ZNF599: variants seen among roughly 807,000 people sequenced by gnomAD.
ZNF599 encodes the protein zinc finger protein 599.
In ZNF599, 10 loss-of-function variants were observed where a neutral mutation model predicts 11.7. The ratio of observed to expected loss-of-function variants is 0.86; its 90% confidence interval spans 0.53 to 1.45. ZNF599 has a LOEUF of 1.45. Ranked by LOEUF, ZNF599 falls within the 40% of genes most tolerant of loss-of-function variation. The pLI is 0.00. For synonymous variants in ZNF599, 232 were observed against 253.2 expected (o/e 0.92, Z 0.79); for missense variants, 688 against 713.6 (o/e 0.96, Z 0.41).
intron 2 of ZNF599, 67 bp from the exon 3 acceptor site, chr19:34,767,478 A>C (rs189689186): frequency 4.2e-5 from 53 of 1,269,440 alleles, no homozygotes; most frequent in Non-Finnish European, 6.8e-6. Flanking sequence ...CTGAGGTGTA[A>C]AGGAGTACAT....
At chr19:34,791,736 G>C in the ZNF599 span, 1 of 152,224 alleles carries the variant, frequency 6.6e-6, no homozygotes, top group Non-Finnish European at 1.5e-5. Flanking sequence ...GTCACAACAA[G>C]AGGCTTCCCC....
chr19:34,805,317 C>T, the ZNF599 span, among the ~76,000 whole-genome samples: 1 of 151,826 alleles, frequency 6.6e-6, no homozygotes, highest in African/African-American at 2.4e-5. Context: ...CCTGCCTCAG[C>T]CTCCCGAGTA....
chr19:34,772,811 ACC>A lies in ZNF599; in HGVS notation c.18+11_18+12del, dbSNP rs1379253284. 3.9e-6 allele frequency: 6 copies of A among 1,529,746 alleles called. No individual in the cohort carries two copies. The highest frequency in any genetic ancestry group is 1.4e-5 in the African/African-American group (1 of 71,188). The allele number at this position is 1,529,746 out of a possible 1,614,324, so 94.8% of individuals were successfully genotyped here. On this transcript the variant is annotated intron_variant, in intron 1 of 3. Coordinates refer to ENST00000329285, the MANE Select transcript of ZNF599 (RefSeq NM_001007248.3). Reference sequence around the variant, plus strand: ...GACCCGAGCTCGCGCGGGCTGCGGAACCCTCCACTCACCAACGCCGGCGCCGC... The same window carrying A: ...GACCCGAGCTCGCGCGGGCTGCGGAACTCCACTCACCAACGCCGGCGCCGC...
At chr19:34,786,323 C>T in the ZNF599 span, among the ~76,000 whole-genome samples, 1 of 152,150 alleles carries the variant, frequency 6.6e-6, no homozygotes, top group Non-Finnish European at 1.5e-5. Flanking sequence ...TATGAATCCC[C>T]ACTTGTTCTT....
rs571541043 is a variant in ZNF599 at position 34,760,236 on chromosome 19, CTT to C, written c.563_564del (p.Lys188ArgfsTer5). On this transcript the variant is annotated frameshift_variant, in exon 4 of 4. Transcript: ENST00000329285. LOFTEE classifies it low-confidence loss of function (END_TRUNC). ...TTATTCCTTGCATCAGTCATGGGGTCTTTTCCTGGTCCTTGAGAGTCACACTC... is the reference window on the plus strand; with the variant it reads ...TTATTCCTTGCATCAGTCATGGGGTCTTCCTGGTCCTTGAGAGTCACACTC... The part of the protein sequence containing the change: ...LHECDSQGPG[K>X]DPMTDARNNP... The C allele has an allele frequency of 3.7e-3, 5,911 of 1,614,122 alleles. 30 individuals are homozygous for C. Among genetic ancestry groups the C allele is most frequent in the Non-Finnish European group, 3.9e-3 (4,602 of 1,180,018 alleles).
chr19:34,789,513 C>A, the ZNF599 span, among the ~76,000 whole-genome samples: 2 of 152,170 alleles, frequency 1.3e-5, no homozygotes, highest in Non-Finnish European at 2.9e-5. Flanking sequence ...CTCGCCAACA[C>A]GTGCTCTTTT....
chr19:34,772,674 T>C, intron 1 of ZNF599, 150 bp downstream of exon 1: 1 of 1,469,332 alleles, frequency 6.8e-7, no homozygotes, highest in Non-Finnish European at 9.0e-7. Context: ...TGATTAGCCC[T>C]GCCCTCTCAC....
At chr19:34,790,876 T>A in the ZNF599 span, among the ~76,000 whole-genome samples, 10 of 152,088 alleles carry the variant, frequency 6.6e-5, no homozygotes, top group African/African-American at 1.9e-4. Context: ...TCATATTATT[T>A]GTCAATTAAA....
chr19:34,777,431 A>T (rs1293844555), upstream of ZNF599, among the ~76,000 whole-genome samples: 3 of 95,386 alleles, frequency 3.1e-5, no homozygotes, highest in East Asian at 5.0e-4. Flanking sequence ...ATTAATATAT[A>T]ATATATGATA....
At chr19:34,776,041 A>G (rs1600162101), upstream of ZNF599, among the ~76,000 whole-genome samples, 4 of 152,318 alleles carry the variant, frequency 2.6e-5, no homozygotes, top group Admixed American at 2.0e-4. Context: ...GATGAAATAT[A>G]TATTTGAAAG....
At chr19:34,797,136 C>T in the ZNF599 span, among the ~76,000 whole-genome samples, 14 of 152,244 alleles carry the variant, frequency 9.2e-5, no homozygotes, top group Admixed American at 2.0e-4. Context: ...CTACAAAGGA[C>T]GTGAACTCAT....
chr19:34,765,330 G>A (rs2069136052), intron 3 of ZNF599: 2 of 519,468 alleles, frequency 3.9e-6, no homozygotes, highest in South Asian at 5.5e-5. Context: ...AATTTTATAA[G>A]ACTGGAACAT....
chr19:34,758,737 A>T lies in ZNF599; in HGVS notation c.*297T>A, dbSNP rs921896712. On this transcript the variant is annotated 3_prime_UTR_variant, in exon 4 of 4. Coordinates refer to ENST00000329285, the MANE Select transcript of ZNF599 (RefSeq NM_001007248.3). The stretch of plus-strand genomic sequence containing the variant: ...ATTAATAAGAGGAAAGTTGTTCCTG[A>T]CATTTTACCTAAATGCATGTTAACC... 4.5e-5 allele frequency: 12 copies of T among 267,146 alleles called. No individual in the cohort carries two copies. The highest frequency in any genetic ancestry group is 7.8e-5 in the Non-Finnish European group (11 of 141,586). 16.5% of individuals were successfully genotyped at this position (267,146 alleles called of 1,614,324 possible).
Position 34,759,913 on chromosome 19 carries a change from A to G in ZNF599, c.888T>C (p.Ser296=), listed in dbSNP as rs1171063320. ...GAGTCATATTATGCTGGATAAAAGAAGAGCGGTGGGTGAATGCTTTGCCAC... is the reference window on the plus strand; with the variant it reads ...GAGTCATATTATGCTGGATAAAAGAGGAGCGGTGGGTGAATGCTTTGCCAC... The part of the protein sequence containing the change: ...KECGKAFTHR[S]SFIQHNMTHT... Residue 296 remains serine (S), a synonymous_variant, in exon 4 of 4, where the codon TCT becomes TCC. Transcript: ENST00000329285. The G allele has an allele frequency of 1.9e-6, 3 of 1,614,126 alleles. No homozygotes were observed. The highest frequency in any genetic ancestry group is 1.7e-5 in the Admixed American group (1 of 60,024).
rs758184403 is a variant in ZNF599, at chr19:34,759,580, G to A, written c.1221C>T (p.Arg407=). 3 of 1,612,424 alleles carry A rather than the reference G, an allele frequency of 1.9e-6. No individual in the cohort carries two copies. The highest frequency in any genetic ancestry group is 2.2e-5 in the East Asian group (1 of 44,664). ...TCCTCTTATGTCGGATGAAAGTGGA[G>A]CGATGAGTAAAGGCCTTTCCACATT... ...CGECGKAFTH[R]STFIRHKRTH... The change falls in exon 4 of 4, where the codon CGC becomes CGT. Residue 407 remains arginine (R), a synonymous_variant. Coordinates refer to ENST00000329285, the MANE Select transcript of ZNF599 (RefSeq NM_001007248.3).
intron 3 of ZNF599, 122 bp downstream of exon 3, chr19:34,767,194 G>A: frequency 1.5e-6 from 1 of 671,604 alleles, no homozygotes; most frequent in Non-Finnish European, 2.6e-6. Flanking sequence ...GGGACCATGG[G>A]GTCAAGGGCT....
the ZNF599 span, among the ~76,000 whole-genome samples, chr19:34,806,647 T>C: frequency 1.3e-5 from 2 of 151,492 alleles, no homozygotes; most frequent in Non-Finnish European, 2.9e-5. Context: ...AGAATAGACT[T>C]ATCAGATGAG....
Position 34,773,100 on chromosome 19 carries a change from C to T in ZNF599, c.-259G>A. ...AAAGCGTGTAAGTGGGTCCTATCCT[C>T]CTCACTGTCCGTCTCTACTCGGTCT... On this transcript the variant is annotated 5_prime_UTR_variant, in exon 1 of 4. Transcript: ENST00000329285. 2.2e-6 allele frequency: 1 copy of T among 463,962 alleles called. No homozygotes were observed. Among genetic ancestry groups the T allele is most frequent in the Non-Finnish European group, 3.8e-6 (1 of 264,576 alleles). The allele number at this position is 463,962 out of a possible 1,614,324, so 28.7% of individuals were successfully genotyped here.
Position 34,760,555 on chromosome 19 carries a change from T to C in ZNF599, c.246A>G (p.Glu82=), listed in dbSNP as rs769229315. 3 of 1,593,394 alleles carry C rather than the reference T, an allele frequency of 1.9e-6. No homozygotes were observed. Among genetic ancestry groups the C allele is most frequent in the Non-Finnish European group, 2.6e-6 (3 of 1,172,588 alleles). ...GCTCTGTAATCTTGGGTTTTGCTTT[T>C]TCACCTGAAGGAAATCCAATATAAA... ...RGLSQSTCAG[E]KAKPKITEPT... Residue 82 remains glutamate, a synonymous_variant, in exon 4 of 4, where the codon GAA becomes GAG. Coordinates refer to ENST00000329285, the MANE Select transcript of ZNF599 (RefSeq NM_001007248.3).
Sources: allele counts gnomAD v4.1 joint callset (sites outside exome capture counted in the v4.1 genomes callset), GRCh38; gene constraint gnomAD v4.1.1; transcripts MANE v1.5; gene names NCBI Gene and HGNC (gene_info 2026-07-23, HGNC 2026-07-21).